The following TNPO1 variants were observed in gnomAD, a reference collection of about 807,000 sequenced individuals.
TNPO1 encodes transportin 1.
TNPO1 carries 8 observed loss-of-function variants against 119.5 expected under a neutral mutation model. The ratio of observed to expected loss-of-function variants is 0.07; its 90% CI spans 0.04 to 0.12. TNPO1 has a LOEUF of 0.12. Among genes scored for constraint, TNPO1 ranks in the 10% least tolerant of loss-of-function variants. The pLI is 1.00. For synonymous variants in TNPO1, 362 were observed against 363.0 expected (o/e 1.00, Z 0.03); for missense variants, 576 against 1,089.8 (o/e 0.53, Z 6.64).
intron 18 of TNPO1, among the ~76,000 whole-genome samples, chr5:72,894,729 T>C (rs1749300941): frequency 6.6e-6 from 1 of 152,194 alleles, no homozygotes; most frequent in African/African-American, 2.4e-5. Flanking sequence ...ATTGAATGTT[T>C]TGTCATCTGA....
chr5:72,863,872 G>T lies in TNPO1; in HGVS notation c.463-1724G>T, dbSNP rs147448337. ...TTGGTGTGATGGTAATAACATAAAA[G>T]AAGATCAAAATTTTAAGCAAGTGCT... On this transcript the variant is annotated intron_variant, in intron 5 of 24. Transcript: ENST00000337273. 5.9e-5 allele frequency among the ~76,000 whole-genome samples: 9 copies of T among 152,042 alleles called. No homozygotes were observed. The East Asian group carries it at 1.7e-3, about 29-fold the overall frequency.
intron 11 of TNPO1, among the ~76,000 whole-genome samples, chr5:72,884,142 A>G (rs568583413): frequency 2.0e-5 from 3 of 152,224 alleles, no homozygotes; most frequent in Non-Finnish European, 4.4e-5. Flanking sequence ...AGAAATAACC[A>G]GGATGTTTTC....
At chr5:72,861,994 A>C (rs918718175) in intron 5 of TNPO1, 80 bp downstream of exon 5, 6 of 1,020,196 alleles carry the variant, frequency 5.9e-6, no homozygotes, top group Non-Finnish European at 9.0e-6. Context: ...TTTGGGAAAA[A>C]TAGTTCCTCT....
chr5:72,880,552 T>A (rs1018714860), intron 9 of TNPO1, among the ~76,000 whole-genome samples: 1 of 152,198 alleles, frequency 6.6e-6, no homozygotes, highest in Admixed American at 6.5e-5. Context: ...CAGTGGCTTA[T>A]GCCTGTAATC....
intron 1 of TNPO1, among the ~76,000 whole-genome samples, chr5:72,821,261 G>A (rs2112158437): frequency 6.6e-6 from 1 of 152,156 alleles, no homozygotes; most frequent in African/African-American, 2.4e-5. Flanking sequence ...TTTATTAGTG[G>A]AGCCCCTTTA....
chr5:72,865,014 TAAAC>T (rs1746774388), intron 5 of TNPO1, among the ~76,000 whole-genome samples: 1 of 152,228 alleles, frequency 6.6e-6, no homozygotes, highest in Non-Finnish European at 1.5e-5. Flanking sequence ...ATATTTAATT[TAAAC>T]AAACTGATAT....
chr5:72,820,048 C>T (rs1743884943), intron 1 of TNPO1, among the ~76,000 whole-genome samples: 1 of 152,044 alleles, frequency 6.6e-6, no homozygotes, highest in South Asian at 2.1e-4. Context: ...CATTTCCTTC[C>T]AATGTTTTTT....
chr5:72,864,716 C>G (rs894626476), intron 5 of TNPO1, among the ~76,000 whole-genome samples: 5 of 152,108 alleles, frequency 3.3e-5, no homozygotes, highest in African/African-American at 1.2e-4. Flanking sequence ...TCAAGTGATT[C>G]TCATGCCTCA....
Position 72,816,949 on chromosome 5 carries a change from A to G in TNPO1, c.15+197A>G. Reference sequence around the variant, plus strand: ...GCTGCCCGCCCAGGCGCCCTGCGGGACCCGGGTAGGGAGCAGGCGACGGCG... The same window carrying G: ...GCTGCCCGCCCAGGCGCCCTGCGGGGCCCGGGTAGGGAGCAGGCGACGGCG... On this transcript the variant is annotated intron_variant, in intron 1 of 24. Transcript: ENST00000337273. 3 of 577,942 alleles carry G rather than the reference A, an allele frequency of 5.2e-6. No individual in the cohort carries two copies. In the East Asian group the frequency reaches 1.0e-4, roughly 20 times the overall value. The allele number at this position is 577,942 out of a possible 1,614,324, so 35.8% of individuals were successfully genotyped here.
intron 24 of TNPO1, among the ~76,000 whole-genome samples, chr5:72,908,280 A>G (rs1561368005): frequency 1.3e-5 from 2 of 152,118 alleles, no homozygotes; most frequent in Admixed American, 1.3e-4. Flanking sequence ...GGAAAAAAAG[A>G]TGGTGTTTTC....
rs758306375 is a variant in TNPO1, at chr5:72,855,829, C to T, written c.261C>T (p.His87=). 7 of 1,612,454 alleles carry T rather than the reference C, an allele frequency of 4.3e-6. No individual in the cohort carries two copies. The East Asian group carries it at 1.6e-4, about 36-fold the overall frequency. ...GLILKNNVKA[H]FQNFPNGVTD... ...TCTTGAAGAATAATGTGAAAGCACA[C>T]TTTCAGAACTTCCCAAATGGTGTAA... Residue 87 remains histidine, a synonymous_variant, in exon 4 of 25, where the codon CAC becomes CAT. Transcript: ENST00000337273.
At position 72,848,462 on chromosome 5, in the gene TNPO1, G is replaced by A; in HGVS notation, c.93G>A (p.Gln31=). Residue 31 remains glutamine, a synonymous_variant, in exon 2 of 25, where the codon CAG becomes CAA. Transcript: ENST00000337273. ...TCCTGCAGCTGTTGAAGGAGTCCCA[G>A]TCCCCAGACACCACCATCCAGAGAA... ...QQILQLLKES[Q]SPDTTIQRTV... The A allele has an allele frequency of 3.1e-6, 5 of 1,611,786 alleles. No individual in the cohort carries two copies. The highest frequency in any genetic ancestry group is 4.2e-6 in the Non-Finnish European group (5 of 1,178,856).
chr5:72,872,205 A>AT (rs1458888626), intron 6 of TNPO1, among the ~76,000 whole-genome samples: 1 of 152,142 alleles, frequency 6.6e-6, no homozygotes, highest in African/African-American at 2.4e-5. Context: ...TTAAGAGTAA[A>AT]TTTTTAAAGT....
chr5:72,833,527 A>G (rs535716807), intron 1 of TNPO1, among the ~76,000 whole-genome samples: 14 of 152,214 alleles, frequency 9.2e-5, no homozygotes, highest in South Asian at 2.1e-4. Flanking sequence ...GTTAAAGTTA[A>G]TAAATTTTTA....
At chr5:72,827,539 T>C (rs1441808716) in intron 1 of TNPO1, among the ~76,000 whole-genome samples, 1 of 151,678 alleles carries the variant, frequency 6.6e-6, no homozygotes, top group East Asian at 1.9e-4. Flanking sequence ...ATTTTAAGAG[T>C]CTTGGCTGAT....
chr5:72,883,299 T>C lies in TNPO1; in HGVS notation c.1150+67T>C. 4.0e-6 allele frequency: 3 copies of C among 755,482 alleles called. No individual in the cohort carries two copies. The South Asian group carries it at 4.6e-5, about 12-fold the overall frequency. The allele number at this position is 755,482 out of a possible 1,614,324, so 46.8% of individuals were successfully genotyped here. On this transcript the variant is annotated intron_variant, in intron 11 of 24. Coordinates refer to ENST00000337273, the MANE Select transcript of TNPO1 (RefSeq NM_002270.4). Reference sequence around the variant, plus strand: ...TAACTTTATTGGGGTATAATTCATCTACTGTACAGTTTACTACCCATTAAA... The same window carrying C: ...TAACTTTATTGGGGTATAATTCATCCACTGTACAGTTTACTACCCATTAAA...
At chr5:72,846,844 CAGT>C (rs1018496520) in intron 1 of TNPO1, among the ~76,000 whole-genome samples, 6 of 152,060 alleles carry the variant, frequency 3.9e-5, no homozygotes, top group African/African-American at 1.2e-4. Context: ...ATAAAAATGA[CAGT>C]GGTACAATGG....
chr5:72,909,639 T>TA lies in TNPO1; in HGVS notation c.*967dup, dbSNP rs1750426496. On this transcript the variant is annotated 3_prime_UTR_variant, in exon 25 of 25. Coordinates refer to ENST00000337273, the MANE Select transcript of TNPO1 (RefSeq NM_002270.4). ...AGAGTGAGATTGGTATTCATTTACC[T>TA]ATGTTGCGCCAGTTTGTGTTGCAGT... 6.6e-6 allele frequency: 1 copy of TA among 152,606 alleles called. No individual in the cohort carries two copies. The highest frequency in any genetic ancestry group is 1.9e-4 in the East Asian group (1 of 5,192). 9.5% of individuals were successfully genotyped at this position (152,606 alleles called of 1,614,324 possible).
intron 6 of TNPO1, among the ~76,000 whole-genome samples, chr5:72,869,422 CTG>C (rs1747205353): frequency 6.6e-6 from 1 of 151,544 alleles, no homozygotes; most frequent in African/African-American, 2.4e-5. Context: ...TGGCATGCAC[CTG>C]TAATCCCAGT....
Sources: allele counts gnomAD v4.1 joint callset (sites outside exome capture counted in the v4.1 genomes callset), GRCh38; gene constraint gnomAD v4.1.1; transcripts MANE v1.5; gene names NCBI Gene and HGNC (gene_info 2026-07-23, HGNC 2026-07-21).